The following FAM200C variants were observed in gnomAD, a reference collection of about 807,000 sequenced individuals.
chr5:160,398,183 T>A, the FAM200C span, among the ~76,000 whole-genome samples: 132,503 of 152,190 alleles, frequency 0.87, 57,933 homozygotes, highest in African/African-American at 0.95. Context: ...CAGAGGTTGC[T>A]GTGAGCTGAG....
chr5:160,397,651 G>A, the FAM200C span: 1 of 152,182 alleles, frequency 6.6e-6, no homozygotes, highest in African/African-American at 2.4e-5. Flanking sequence ...GTTGTAAAGT[G>A]TACTCCAATA....
At chr5:160,399,510 AG>A in the FAM200C span, 1 of 152,230 alleles carries the variant, frequency 6.6e-6, no homozygotes, top group East Asian at 1.9e-4. Context: ...AATAGCCAGG[AG>A]AATGGGGGCA....
the FAM200C span, among the ~76,000 whole-genome samples, chr5:160,397,826 C>T: frequency 3.5e-4 from 54 of 152,160 alleles, no homozygotes; most frequent in African/African-American, 1.2e-3. Flanking sequence ...TAATTAATGA[C>T]GATAAAATTA....
chr5:160,396,982 G>A, the FAM200C span, among the ~76,000 whole-genome samples: 1 of 152,082 alleles, frequency 6.6e-6, no homozygotes, highest in African/African-American at 2.4e-5. Context: ...ATGGAGTGGG[G>A]GCCTAGAATC....
At chr5:160,396,526 G>A in the FAM200C span, among the ~76,000 whole-genome samples, 1 of 151,868 alleles carries the variant, frequency 6.6e-6, no homozygotes, top group African/African-American at 2.4e-5. Context: ...TGAGGTGGGT[G>A]GACTGCCTGA....
the FAM200C span, chr5:160,393,888 G>A: frequency 6.2e-7 from 1 of 1,614,110 alleles, no homozygotes; most frequent in East Asian, 2.2e-5. Context: ...AATGGCATAA[G>A]GATTTCTAGA....
the FAM200C span, among the ~76,000 whole-genome samples, chr5:160,398,498 T>C: frequency 2.0e-5 from 3 of 152,180 alleles, no homozygotes; most frequent in African/African-American, 7.2e-5. Flanking sequence ...ATGATGCCAC[T>C]GCGCTCTCCA....
At chr5:160,396,764 G>C in the FAM200C span, among the ~76,000 whole-genome samples, 1 of 147,502 alleles carries the variant, frequency 6.8e-6, no homozygotes, top group Non-Finnish European at 1.5e-5. Flanking sequence ...TCTTGTTACC[G>C]AGACTTCAGA....
chr5:160,395,128 C>T, the FAM200C span: 1 of 1,613,718 alleles, frequency 6.2e-7, no homozygotes, highest in Non-Finnish European at 8.5e-7. Flanking sequence ...GTGCTATTTC[C>T]AGTGCACAAG....
At chr5:160,394,337 T>C in the FAM200C span, 2 of 1,613,982 alleles carry the variant, frequency 1.2e-6, no homozygotes, top group Non-Finnish European at 1.7e-6. Context: ...ACTGAGTTCA[T>C]TTAAGTGTTT....
the FAM200C span, chr5:160,394,443 T>C: frequency 3.1e-6 from 5 of 1,613,874 alleles, no homozygotes; most frequent in Non-Finnish European, 4.2e-6. Context: ...AACTGATTTA[T>C]TTCTTCATAC....
chr5:160,397,977 C>A, the FAM200C span, among the ~76,000 whole-genome samples: 1 of 152,230 alleles, frequency 6.6e-6, no homozygotes. Flanking sequence ...CACGGTGGCT[C>A]ACGCCTGCTA....
chr5:160,394,442 A>G, the FAM200C span: 1 of 1,613,490 alleles, frequency 6.2e-7, no homozygotes, highest in South Asian at 1.1e-5. Context: ...AAACTGATTT[A>G]TTTCTTCATA....
chr5:160,394,697 T>G, the FAM200C span: 1 of 1,614,206 alleles, frequency 6.2e-7, no homozygotes, highest in Admixed American at 1.7e-5. Flanking sequence ...AACTACGATA[T>G]GAGGTATCTC....
chr5:160,394,367 G>A, the FAM200C span: 2 of 1,613,792 alleles, frequency 1.2e-6, no homozygotes, highest in South Asian at 2.2e-5. Flanking sequence ...TGCAAGGTAT[G>A]CTAGGTGAAT....
the FAM200C span, chr5:160,393,778 A>G: frequency 6.4e-7 from 1 of 1,571,648 alleles, no homozygotes; most frequent in African/African-American, 1.4e-5. Flanking sequence ...TTTTTGAAAT[A>G]GCCACACGGA....
chr5:160,394,125 T>A, the FAM200C span: 5 of 1,613,662 alleles, frequency 3.1e-6, no homozygotes, highest in Non-Finnish European at 4.2e-6. Context: ...TGGAAGAAGT[T>A]GCTCAATTGT....
chr5:160,395,915 A>G, the FAM200C span, among the ~76,000 whole-genome samples: 1 of 152,310 alleles, frequency 6.6e-6, no homozygotes, highest in Middle Eastern at 3.4e-3. Context: ...TCAGCCCCAA[A>G]GATGTATGCA....
At chr5:160,397,910 A>G in the FAM200C span, among the ~76,000 whole-genome samples, 2 of 152,188 alleles carry the variant, frequency 1.3e-5, no homozygotes, top group Non-Finnish European at 2.9e-5. Flanking sequence ...GGGGAGGAAG[A>G]GGGAATAAAG....
Sources: gnomAD v4.1 joint callset for allele counts (sites outside exome capture counted in the v4.1 genomes callset) on GRCh38, gnomAD v4.1.1 for gene constraint, MANE v1.5 for transcripts.